Variants in AK5 observed in about 807,000 individuals in gnomAD.
AK5 encodes adenylate kinase 5, also known as adenylate kinase isoenzyme 5.
In AK5, 27 loss-of-function variants were observed where a neutral mutation model predicts 69.5. The observed-to-expected ratio is 0.39, with a 90% CI of 0.29 to 0.54. The LOEUF (loss-of-function observed/expected upper bound fraction) is 0.54. AK5 is among the 20% of genes least tolerant of loss of function. The probability of loss-of-function intolerance (pLI) is 0.71; values close to 1 mark genes in which losing one functional copy is unlikely to be tolerated. For synonymous variants in AK5, 260 were observed against 244.4 expected (o/e 1.06, Z -0.60); for missense variants, 531 against 700.4 (o/e 0.76, Z 2.73).
chr1:77,309,099 G>A (rs2100285721), intron 5 of AK5, among the ~76,000 whole-genome samples: 1 of 151,912 alleles, frequency 6.6e-6, no homozygotes, highest in East Asian at 1.9e-4. Flanking sequence ...GGGGGAGGGA[G>A]AACATTAGGA....
intron 10 of AK5, among the ~76,000 whole-genome samples, chr1:77,506,957 C>A (rs1057024716): frequency 2.4e-4 from 36 of 152,114 alleles, no homozygotes; most frequent in Admixed American, 1.6e-3. Context: ...CAAGATCACA[C>A]CACTGCACTC....
chr1:77,295,947 G>A (rs965677513), intron 3 of AK5, among the ~76,000 whole-genome samples: 2 of 152,084 alleles, frequency 1.3e-5, no homozygotes, highest in Admixed American at 1.3e-4. Context: ...CCAAAGTTAT[G>A]ATTCTTGTTA....
chr1:77,507,869 T>C (rs1318049249), intron 10 of AK5, among the ~76,000 whole-genome samples: 3 of 152,210 alleles, frequency 2.0e-5, no homozygotes, highest in Non-Finnish European at 4.4e-5. Flanking sequence ...TTTTTTATTA[T>C]GAAAATATTT....
At position 77,542,177 on chromosome 1, in the gene AK5, G is replaced by A. The variant is rs116319579; in HGVS notation, c.1620+6139G>A. Among the ~76,000 whole-genome samples, 827 of 152,166 alleles carry A rather than the reference G, an allele frequency of 5.4e-3. 6 individuals carry two copies. Among genetic ancestry groups the A allele is most frequent in the Non-Finnish European group, 9.1e-3 (621 of 68,010 alleles). On this transcript the variant is annotated intron_variant, in intron 13 of 13. Coordinates refer to ENST00000354567, the MANE Select transcript of AK5 (RefSeq NM_174858.3). ...GTCTCTACTAAAAATATAAAAATTC[G>A]CTAGACGTGGTGGTGCGCATATGTA...
At chr1:77,446,524 G>A (rs1652765435) in intron 8 of AK5, among the ~76,000 whole-genome samples, 1 of 151,952 alleles carries the variant, frequency 6.6e-6, no homozygotes, top group South Asian at 2.1e-4. Flanking sequence ...AGGTTGTATG[G>A]CCATTTTCAC....
chr1:77,370,396 G>A (rs1647097869), intron 6 of AK5, among the ~76,000 whole-genome samples: 1 of 152,072 alleles, frequency 6.6e-6, no homozygotes, highest in South Asian at 2.1e-4. Flanking sequence ...AAGCCCTACA[G>A]GCTCTCTCAA....
At chr1:77,434,286 A>C (rs1014385931) in intron 8 of AK5, among the ~76,000 whole-genome samples, 2 of 152,092 alleles carry the variant, frequency 1.3e-5, no homozygotes, top group Admixed American at 6.5e-5. Flanking sequence ...ATTCATATCA[A>C]TAACATACTC....
chr1:77,473,582 C>G (rs1277661360), intron 8 of AK5, among the ~76,000 whole-genome samples: 2 of 152,194 alleles, frequency 1.3e-5, no homozygotes, highest in Admixed American at 6.5e-5. Flanking sequence ...TACTTCTGCC[C>G]TTCTTCCTTC....
At chr1:77,371,879 A>T (rs1270053602) in intron 6 of AK5, among the ~76,000 whole-genome samples, 1 of 152,200 alleles carries the variant, frequency 6.6e-6, no homozygotes, top group Non-Finnish European at 1.5e-5. Context: ...TGGGAGAAGG[A>T]AGAGGGAAGG....
intron 6 of AK5, among the ~76,000 whole-genome samples, chr1:77,409,291 G>C (rs928318182): frequency 1.3e-5 from 2 of 152,190 alleles, no homozygotes; most frequent in Admixed American, 6.5e-5. Flanking sequence ...TAATGGGGTT[G>C]CTGGGTCAAA....
intron 13 of AK5, among the ~76,000 whole-genome samples, chr1:77,556,620 T>G (rs954040938): frequency 1.3e-5 from 2 of 152,224 alleles, no homozygotes; most frequent in African/African-American, 4.8e-5. Context: ...CTCCACTATC[T>G]GAACATGCAG....
At chr1:77,338,648 A>G (rs1489958704) in intron 5 of AK5, among the ~76,000 whole-genome samples, 1 of 152,218 alleles carries the variant, frequency 6.6e-6, no homozygotes, top group Non-Finnish European at 1.5e-5. Flanking sequence ...GAAGAGTATG[A>G]TCTAAGCCTT....
chr1:77,340,603 G>T, intron 6 of AK5, 35 bp downstream of exon 6: 1 of 1,586,176 alleles, frequency 6.3e-7, no homozygotes, highest in South Asian at 1.1e-5. Context: ...TCCAATACAA[G>T]AGCGCTCTTT....
At chr1:77,409,086 C>G (rs1310919546) in intron 6 of AK5, among the ~76,000 whole-genome samples, 1 of 152,232 alleles carries the variant, frequency 6.6e-6, no homozygotes, top group African/African-American at 2.4e-5. Flanking sequence ...CCACAGAAGA[C>G]ATGACTTCAT....
chr1:77,470,860 TATATATATA>T (rs1654449689), intron 8 of AK5, among the ~76,000 whole-genome samples: 7 of 3,404 alleles, frequency 2.1e-3, no homozygotes, highest in African/African-American at 4.1e-3. Flanking sequence ...TATATATATA[TATATATATA>T]TATATATTTT....
chr1:77,455,502 T>G (rs1292881105), intron 8 of AK5, among the ~76,000 whole-genome samples: 2 of 152,060 alleles, frequency 1.3e-5, no homozygotes, highest in Non-Finnish European at 2.9e-5. Flanking sequence ...TTTTGAGATT[T>G]AATAGTGAGG....
chr1:77,320,431 G>A (rs776097795), intron 5 of AK5, among the ~76,000 whole-genome samples: 19 of 152,174 alleles, frequency 1.2e-4, no homozygotes, highest in Non-Finnish European at 1.9e-4. Context: ...CAATTAAAAC[G>A]CAGATTGAAA....
rs759265923 is a variant in AK5 at position 77,298,835 on chromosome 1, CA to C, written c.699+895del. ...TGGGTGACACAGCAAGACCCTGCTT[CA>C]AAAAAATTTTCTTTTAATTACAGAA... On this transcript the variant is annotated intron_variant, in intron 5 of 13. Transcript: ENST00000354567. 3.9e-5 allele frequency among the ~76,000 whole-genome samples: 6 copies of C among 152,074 alleles called. No homozygotes were observed. The South Asian group carries it at 8.3e-4, about 21-fold the overall frequency.
rs568937446 is a variant in AK5, at chr1:77,408,921, C to T, written c.892-2060C>T. On this transcript the variant is annotated intron_variant, in intron 6 of 13. Coordinates refer to ENST00000354567, the MANE Select transcript of AK5 (RefSeq NM_174858.3). ...GCTTCTCTGCCTCCTCCTACTCTCC[C>T]CGCTCAAGTAAACCCCAGTGTCTGT... Among the ~76,000 whole-genome samples, 5 of 152,216 alleles carry T rather than the reference C, an allele frequency of 3.3e-5. 1 individual carries two copies. The South Asian group carries it at 1.0e-3, about 32-fold the overall frequency.
Sources: allele counts gnomAD v4.1 joint callset (sites outside exome capture counted in the v4.1 genomes callset), GRCh38; gene constraint gnomAD v4.1.1; transcripts MANE v1.5; gene names NCBI Gene and HGNC (gene_info 2026-07-23, HGNC 2026-07-21).